The following DYM variants were observed in gnomAD, a reference collection of about 807,000 sequenced individuals.
DYM encodes the protein dyggve-Melchior-Clausen syndrome protein.
Under a neutral mutation model 93.1 loss-of-function variants are expected in DYM, and 78 were observed. That is an observed-to-expected ratio of 0.84 (90% CI 0.70 to 1.01). The LOEUF is 1.01. Among genes scored for constraint, DYM ranks in the 50% least tolerant of loss-of-function variants. DYM has a pLI of 0.00. For synonymous variants in DYM, 321 were observed against 319.7 expected, an observed-to-expected ratio of 1.00 and a Z score of -0.04; for missense variants, 789 against 845.0, an observed-to-expected ratio of 0.93 and a Z score of 0.82.
chr18:49,402,438 A>T (rs761436052), intron 2 of DYM, among the ~76,000 whole-genome samples: 1 of 152,204 alleles, frequency 6.6e-6, no homozygotes, highest in Non-Finnish European at 1.5e-5. Context: ...AAAGATAATG[A>T]GAACGACAGC....
chr18:49,172,988 C>T (rs2088943432), intron 14 of DYM, among the ~76,000 whole-genome samples: 1 of 149,454 alleles, frequency 6.7e-6, no homozygotes, highest in South Asian at 2.1e-4. Context: ...CATGAAGAGT[C>T]ACAATTTATT....
At chr18:49,144,072 A>C (rs188486382) in intron 15 of DYM, among the ~76,000 whole-genome samples, 13 of 152,326 alleles carry the variant, frequency 8.5e-5, no homozygotes, top group Admixed American at 3.3e-4. Flanking sequence ...TTTTAAAAAA[A>C]GTTTCTTACA....
intron 13 of DYM, among the ~76,000 whole-genome samples, chr18:49,216,624 G>A (rs992239592): frequency 1.3e-5 from 2 of 152,200 alleles, no homozygotes; most frequent in Non-Finnish European, 2.9e-5. Flanking sequence ...AGCTACCGCT[G>A]CTGATACCCA....
At chr18:49,286,338 T>A (rs957820268) in intron 9 of DYM, 96 bp downstream of exon 9, 1 of 1,376,702 alleles carries the variant, frequency 7.3e-7, no homozygotes, top group African/African-American at 1.4e-5. Flanking sequence ...AAACATACAA[T>A]GGACACTCAT....
At chr18:49,313,831 C>A (rs2061760517) in intron 8 of DYM, among the ~76,000 whole-genome samples, 1 of 152,056 alleles carries the variant, frequency 6.6e-6, no homozygotes, top group African/African-American at 2.4e-5. Flanking sequence ...TGAGGAAACC[C>A]CTGACCCAGG....
At chr18:49,391,539 A>G in intron 3 of DYM, 54 bp downstream of exon 3, 4 of 1,533,836 alleles carry the variant, frequency 2.6e-6, no homozygotes, top group Non-Finnish European at 3.6e-6. Flanking sequence ...TTATACTATC[A>G]AAATCTAAAA....
At chr18:49,374,994 C>T (rs1245775722) in intron 5 of DYM, among the ~76,000 whole-genome samples, 1 of 151,376 alleles carries the variant, frequency 6.6e-6, no homozygotes, top group African/African-American at 2.4e-5. Flanking sequence ...TTTTTTAGAG[C>T]AGAATCTCAA....
chr18:49,292,351 G>GACACACACACACAC (rs1293664967), intron 8 of DYM, among the ~76,000 whole-genome samples: 17 of 106,676 alleles, frequency 1.6e-4, no homozygotes, highest in Non-Finnish European at 3.0e-4. Context: ...CAGACAGACA[G>GACACACACACACAC]ACAGACACAC....
chr18:49,083,645 G>C (rs1386599637), intron 17 of DYM, among the ~76,000 whole-genome samples: 1 of 152,134 alleles, frequency 6.6e-6, no homozygotes, highest in Non-Finnish European at 1.5e-5. Context: ...TTCTTTATGG[G>C]AAGATTTTAA....
intron 6 of DYM, among the ~76,000 whole-genome samples, chr18:49,360,451 A>G (rs1447668189): frequency 1.3e-5 from 2 of 151,920 alleles, no homozygotes; most frequent in African/African-American, 2.4e-5. Flanking sequence ...GTGAAACCCT[A>G]TCTCTACTAA....
intron 17 of DYM, among the ~76,000 whole-genome samples, chr18:49,062,382 T>C (rs1026223585): frequency 1.3e-5 from 2 of 152,210 alleles, no homozygotes; most frequent in Non-Finnish European, 2.9e-5. Flanking sequence ...GCTCAGGACC[T>C]GCTGACTATG....
At chr18:49,442,495 G>A (rs577766077) in intron 1 of DYM, among the ~76,000 whole-genome samples, 5 of 152,090 alleles carry the variant, frequency 3.3e-5, no homozygotes, top group Non-Finnish European at 5.9e-5. Flanking sequence ...AGGCTGCAAT[G>A]AGCTGTGATC....
intron 6 of DYM, among the ~76,000 whole-genome samples, chr18:49,348,692 T>G (rs2064839430): frequency 6.6e-6 from 1 of 151,760 alleles, no homozygotes; most frequent in African/African-American, 2.4e-5. Flanking sequence ...GTGGATTACC[T>G]GAGGTCAAGA....
At chr18:49,353,865 A>G (rs1237699913) in intron 6 of DYM, among the ~76,000 whole-genome samples, 1 of 152,096 alleles carries the variant, frequency 6.6e-6, no homozygotes, top group Non-Finnish European at 1.5e-5. Context: ...CTACAGATGC[A>G]ACACAATTCA....
At chr18:49,070,024 G>C (rs1014388607) in intron 17 of DYM, among the ~76,000 whole-genome samples, 6 of 152,198 alleles carry the variant, frequency 3.9e-5, no homozygotes, top group Admixed American at 6.5e-5. Context: ...CTGGGCAACA[G>C]AGCGAGACTC....
chr18:49,337,067 T>C (rs2063724745), intron 6 of DYM, among the ~76,000 whole-genome samples: 1 of 152,196 alleles, frequency 6.6e-6, no homozygotes, highest in South Asian at 2.1e-4. Context: ...CTGTTTTCAT[T>C]TTGACTGGAA....
intron 1 of DYM, among the ~76,000 whole-genome samples, chr18:49,438,859 C>A (rs546809987): frequency 6.6e-6 from 1 of 152,302 alleles, no homozygotes; most frequent in African/African-American, 2.4e-5. Context: ...ATGATTCCTG[C>A]CAAGGATTCC....
chr18:49,240,766 C>T (rs982760815), intron 13 of DYM, among the ~76,000 whole-genome samples: 1 of 152,286 alleles, frequency 6.6e-6, no homozygotes, highest in African/African-American at 2.4e-5. Context: ...CTATCACACA[C>T]CTGCTTTTCC....
chr18:49,085,342 AT>A (rs2078415463), intron 17 of DYM, among the ~76,000 whole-genome samples: 1 of 152,204 alleles, frequency 6.6e-6, no homozygotes, highest in Non-Finnish European at 1.5e-5. Flanking sequence ...GGTAATTTCT[AT>A]TTGAAAGAAC....
Sources: gnomAD v4.1 joint callset for allele counts (sites outside exome capture counted in the v4.1 genomes callset) on GRCh38, gnomAD v4.1.1 for gene constraint, MANE v1.5 for transcripts, NCBI Gene and HGNC (gene_info 2026-07-23, HGNC 2026-07-21) for gene names.